CPXM2: variants seen among roughly 807,000 people sequenced by gnomAD.
The protein encoded by CPXM2 is carboxypeptidase X, M14 family member 2.
Under a neutral mutation model 86.1 loss-of-function variants are expected in CPXM2, and 66 were observed. The ratio of observed to expected loss-of-function variants is 0.77; its 90% CI spans 0.63 to 0.94. The LOEUF is 0.94. Among genes scored for constraint, CPXM2 ranks in the 40% least tolerant of loss-of-function variants. The pLI is 0.00. For synonymous variants in CPXM2, 388 were observed against 400.2 expected (o/e 0.97, Z 0.36); for missense variants, 948 against 1,026.3 (o/e 0.92, Z 1.04).
At chr10:123,806,073 G>A (rs1847572853) in intron 4 of CPXM2, among the ~76,000 whole-genome samples, 1 of 152,066 alleles carries the variant, frequency 6.6e-6, no homozygotes, top group Admixed American at 6.6e-5. Context: ...TTTCTGGTAT[G>A]CTTCATTAAT....
intron 4 of CPXM2, among the ~76,000 whole-genome samples, chr10:123,833,447 T>C (rs1848210234): frequency 6.6e-6 from 1 of 152,250 alleles, no homozygotes; most frequent in Non-Finnish European, 1.5e-5. Context: ...GGGTGCCCTC[T>C]GGAGGCACTG....
intron 1 of CPXM2, among the ~76,000 whole-genome samples, chr10:123,890,548 C>T (rs1945250400): frequency 6.6e-6 from 1 of 152,226 alleles, no homozygotes; most frequent in Admixed American, 6.5e-5. Flanking sequence ...CTGCTCATGC[C>T]CCACTCTTGA....
intron 2 of CPXM2, among the ~76,000 whole-genome samples, chr10:123,916,013 G>T (rs1021557591): frequency 6.6e-6 from 1 of 152,178 alleles, no homozygotes; most frequent in East Asian, 1.9e-4. Flanking sequence ...AGCTTTGAAA[G>T]CTTGTGGATT....
At chr10:123,905,738 C>G (rs1459813804) in intron 2 of CPXM2, among the ~76,000 whole-genome samples, 1 of 152,156 alleles carries the variant, frequency 6.6e-6, no homozygotes, top group Non-Finnish European at 1.5e-5. Context: ...TGGGGGTCCC[C>G]TCCCAGCCCT....
chr10:123,889,670 T>C (rs1945235637), intron 1 of CPXM2, among the ~76,000 whole-genome samples: 1 of 152,158 alleles, frequency 6.6e-6, no homozygotes, highest in Non-Finnish European at 1.5e-5. Context: ...TAAAGTGAGG[T>C]GGCAGGTGCA....
At chr10:123,807,381 T>C (rs1847603336) in intron 4 of CPXM2, among the ~76,000 whole-genome samples, 1 of 152,220 alleles carries the variant, frequency 6.6e-6, no homozygotes, top group African/African-American at 2.4e-5. Context: ...TACTTGCCCA[T>C]CTGTATGATG....
chr10:123,841,009 G>A (rs1182718052), intron 4 of CPXM2, among the ~76,000 whole-genome samples: 1 of 152,240 alleles, frequency 6.6e-6, no homozygotes. Context: ...TGAGAGTGCA[G>A]TATAGATGGG....
In CPXM2 at chr10:123,766,872, A is replaced by AG. The variant is rs1846488443; in HGVS notation, c.1479+100_1479+101insC. 3 of 947,394 alleles carry AG rather than the reference A, an allele frequency of 3.2e-6. No homozygotes were observed. The Admixed American group carries it at 6.2e-5, about 19-fold the overall frequency. The allele number at this position is 947,394 out of a possible 1,614,324, so 58.7% of individuals were successfully genotyped here. On this transcript the variant is annotated intron_variant, in intron 10 of 13. Coordinates refer to ENST00000241305, the MANE Select transcript of CPXM2 (RefSeq NM_198148.3). ...TTTGGAGAAAACATGAAAGAAAAAA[A>AG]CAGTTTTGTCTCTTTCTTAAATGTG... is the stretch of plus-strand genomic sequence containing the variant.
In CPXM2 at chr10:123,865,343, A is replaced by G. The variant is rs1043570517; in HGVS notation, c.404-2620T>C. On this transcript the variant is annotated intron_variant, in intron 2 of 13. Transcript: ENST00000241305. The surrounding 1 kb of genome is among the most constrained non-coding windows in gnomAD (Gnocchi z 4.7). ...AGAAAACACAATGTCCTTGAAAGGC[A>G]AAGACAGAGTTACTGATCCGCCTGG... Among the ~76,000 whole-genome samples the G allele has an allele frequency of 1.3e-5, 2 of 152,212 alleles. No individual in the cohort carries two copies. The highest frequency in any genetic ancestry group is 6.5e-5 in the Admixed American group (1 of 15,280).
intron 3 of CPXM2, chr10:123,843,405 A>C (rs970054576): frequency 2.3e-4 from 49 of 212,716 alleles, no homozygotes; most frequent in Non-Finnish European, 3.7e-4. Context: ...TATTAACCCT[A>C]TTTTTCCATG....
chr10:123,780,150 T>A lies in CPXM2; in HGVS notation c.978+17A>T. ...TTGACAAATTCCTGGCATGAGGCTT[T>A]GTGATCTGGGTCTTACCTGGCGCAT... On this transcript the variant is annotated intron_variant, in intron 7 of 13. Coordinates refer to ENST00000241305, the MANE Select transcript of CPXM2 (RefSeq NM_198148.3). The A allele has an allele frequency of 1.3e-6, 2 of 1,527,610 alleles. No individual in the cohort carries two copies. Among genetic ancestry groups the A allele is most frequent in the Non-Finnish European group, 1.8e-6 (2 of 1,101,138 alleles). 94.6% of individuals were successfully genotyped at this position (1,527,610 alleles called of 1,614,324 possible). A position where few individuals can be genotyped will look rare whatever the true frequency, so the allele number is the denominator to read the frequency against.
chr10:123,910,730 A>G (rs1945480929), intron 2 of CPXM2, among the ~76,000 whole-genome samples: 2 of 152,214 alleles, frequency 1.3e-5, no homozygotes, highest in Non-Finnish European at 2.9e-5. Flanking sequence ...GGCTGCAGTA[A>G]CAATGCACCA....
At chr10:123,779,884 T>C (rs969732353) in intron 7 of CPXM2, among the ~76,000 whole-genome samples, 3 of 152,142 alleles carry the variant, frequency 2.0e-5, no homozygotes, top group South Asian at 2.1e-4. Flanking sequence ...AAATCAGTGA[T>C]AGCACTCAAA....
In CPXM2 at chr10:123,771,509, T is replaced by C. The variant is rs141414581; in HGVS notation, c.979-470A>G. On this transcript the variant is annotated intron_variant, in intron 7 of 13. Transcript: ENST00000241305. ...AGGATGCAGCACGATGACGGCCCTGTGAACCAGAGAGTGAGCCCTCACCAG... is the reference window on the plus strand; with the variant it reads ...AGGATGCAGCACGATGACGGCCCTGCGAACCAGAGAGTGAGCCCTCACCAG... Among the ~76,000 whole-genome samples the C allele has an allele frequency of 5.1e-4, 78 of 152,282 alleles. 1 individual carries two copies. The East Asian group carries it at 0.013, about 26-fold the overall frequency.
chr10:123,891,618 C>T lies in CPXM2; in HGVS notation c.42G>A (p.Val14=), dbSNP rs1425641149. 7 of 1,496,038 alleles carry T rather than the reference C, an allele frequency of 4.7e-6. No homozygotes were observed. Among genetic ancestry groups the T allele is most frequent in the East Asian group, 2.6e-5 (1 of 38,498 alleles). 92.7% of individuals were successfully genotyped at this position (1,496,038 alleles called of 1,614,324 possible). A position where few individuals can be genotyped will look rare whatever the true frequency, so the allele number is the denominator to read the frequency against. Residue 14 remains valine (V), a synonymous_variant, in exon 1 of 14, where the codon GTG becomes GTA. Transcript: ENST00000241305. The surrounding 1 kb of genome is among the most constrained non-coding windows in gnomAD (Gnocchi z 5.6). ...CCCCGGCCAGGGTCACTGCCAGGAG[C>T]ACCAGGGCCAGCGCTGGGGTAGCGG... ...PGTATPALAL[V]LLAVTLAGVG...
At chr10:123,898,589 A>T (rs960033047) in intron 2 of CPXM2, among the ~76,000 whole-genome samples, 1 of 152,206 alleles carries the variant, frequency 6.6e-6, no homozygotes, top group Non-Finnish European at 1.5e-5. Context: ...AGTGAGCTAT[A>T]ATACACCACT....
At chr10:123,861,916 A>G (rs545115549) in intron 3 of CPXM2, among the ~76,000 whole-genome samples, 1 of 152,364 alleles carries the variant, frequency 6.6e-6, no homozygotes, top group South Asian at 2.1e-4. Context: ...TGAGTGGAGC[A>G]TGGTTGGGCA....
intron 3 of CPXM2, among the ~76,000 whole-genome samples, chr10:123,854,017 T>C (rs1398923815): frequency 6.6e-6 from 1 of 151,966 alleles, no homozygotes; most frequent in Non-Finnish European, 1.5e-5. Context: ...ATATAGCATT[T>C]ATTGTGTCCT....
intron 4 of CPXM2, among the ~76,000 whole-genome samples, chr10:123,832,526 G>A (rs561035782): frequency 6.6e-6 from 1 of 152,112 alleles, no homozygotes. Context: ...TAATGAGATG[G>A]TATTAAGAGG....
Sources: gnomAD v4.1 joint callset for allele counts (sites outside exome capture counted in the v4.1 genomes callset) on GRCh38, gnomAD v4.1.1 for gene constraint, Gnocchi (gnomAD v3.1) non-coding constraint, MANE v1.5 for transcripts, NCBI Gene and HGNC (gene_info 2026-07-23, HGNC 2026-07-21) for gene names.